The following PLCXD2 variants were observed in gnomAD, a reference collection of about 807,000 sequenced individuals.
The protein encoded by PLCXD2 is PI-PLC X domain-containing protein 2.
A neutral mutation model predicts 28.6 loss-of-function variants in PLCXD2; 21 were observed. The observed-to-expected ratio is 0.73, with a 90% CI of 0.52 to 1.06. PLCXD2 has a LOEUF of 1.06. Ranked by LOEUF, PLCXD2 falls within the 50% of genes least tolerant of loss-of-function variation. PLCXD2 has a pLI of 0.00. For synonymous variants in PLCXD2, 140 were observed against 150.1 expected (o/e 0.93, Z 0.49); for missense variants, 369 against 376.7 (o/e 0.98, Z 0.17).
intron 1 of PLCXD2, among the ~76,000 whole-genome samples, chr3:111,692,135 G>A (rs1414794148): frequency 6.6e-6 from 1 of 152,136 alleles, no homozygotes; most frequent in South Asian, 2.1e-4. Flanking sequence ...TCCGCCTCCC[G>A]GGTTCATGCC....
chr3:111,725,475 C>G, intron 3 of PLCXD2: 1 of 396,156 alleles, frequency 2.5e-6, no homozygotes, highest in Non-Finnish European at 4.4e-6. Context: ...CAGCTCATTA[C>G]TACCCCAAGG....
chr3:111,675,085 T>G lies in PLCXD2; in HGVS notation c.-161T>G. The G allele has an allele frequency of 4.1e-6, 3 of 727,268 alleles. No individual in the cohort carries two copies. The highest frequency in any genetic ancestry group is 1.9e-5 in the South Asian group (1 of 53,998). The allele number at this position is 727,268 out of a possible 1,614,324, so 45.1% of individuals were successfully genotyped here. ...AGAGAGTGGGGACTGTGAGTGCTAG[T>G]GGGTAAGGATCCATCTGTTTGCCCC... On this transcript the variant is annotated 5_prime_UTR_variant, in exon 1 of 5. Coordinates refer to ENST00000477665, the MANE Select transcript of PLCXD2 (RefSeq NM_001185106.1).
chr3:111,718,449 A>G (rs537661529), intron 3 of PLCXD2, among the ~76,000 whole-genome samples: 3 of 152,116 alleles, frequency 2.0e-5, no homozygotes, highest in South Asian at 4.2e-4. Context: ...TGGGGGACAG[A>G]GGAAGACTCC....
At chr3:111,724,202 T>A (rs1325357374) in intron 3 of PLCXD2, 1 of 152,196 alleles carries the variant, frequency 6.6e-6, no homozygotes, top group Non-Finnish European at 1.5e-5. Flanking sequence ...AAATTTTAAA[T>A]TAGTGGCAGA....
chr3:111,703,428 GAC>G (rs753382845), intron 1 of PLCXD2, among the ~76,000 whole-genome samples: 57 of 152,304 alleles, frequency 3.7e-4, no homozygotes, highest in Admixed American at 4.6e-4. Context: ...ACAGTCCTCA[GAC>G]ACAGAGAAAA....
chr3:111,709,171 C>T (rs976941468), intron 2 of PLCXD2, among the ~76,000 whole-genome samples: 4 of 151,008 alleles, frequency 2.6e-5, no homozygotes, highest in East Asian at 1.9e-4. Context: ...AACAACTTTA[C>T]GAGGCAGATA....
chr3:111,693,169 T>G (rs1256805523), intron 1 of PLCXD2, among the ~76,000 whole-genome samples: 2 of 152,210 alleles, frequency 1.3e-5, no homozygotes, highest in Non-Finnish European at 2.9e-5. Flanking sequence ...ATTATTGTAC[T>G]GCAAAAGCTC....
At position 111,707,927 on chromosome 3, in the gene PLCXD2, C is replaced by T. The variant is rs1941142427; in HGVS notation, c.165C>T (p.Gly55=). Residue 55 remains glycine (G), a splice_region_variant and synonymous_variant, in exon 2 of 5, where the codon GGC becomes GGT. Transcript: ENST00000477665. Reference sequence around the variant, plus strand: ...CCTCACCTGTATTCCTTTGTACAGGCTCACATGATTCATTCAGCTACTGGG... The same window carrying T: ...CCTCACCTGTATTCCTTTGTACAGGTTCACATGATTCATTCAGCTACTGGG... 1.2e-6 allele frequency: 2 copies of T among 1,612,462 alleles called. No individual in the cohort carries two copies. The highest frequency in any genetic ancestry group is 1.7e-6 in the Non-Finnish European group (2 of 1,179,124).
intron 1 of PLCXD2, chr3:111,691,332 C>T (rs994699927): frequency 1.3e-5 from 2 of 152,164 alleles, no homozygotes; most frequent in Non-Finnish European, 2.9e-5. Flanking sequence ...GACCCTAAGT[C>T]GCATTTCACT....
chr3:111,714,207 A>AAAGCCATG, intron 3 of PLCXD2, 79 bp downstream of exon 3: 3 of 1,488,200 alleles, frequency 2.0e-6, no homozygotes, highest in Non-Finnish European at 2.7e-6. Context: ...AAATCGCAGT[A>AAAGCCATG]AAGCCATGTA....
At chr3:111,687,612 C>T (rs1273058346) in intron 1 of PLCXD2, among the ~76,000 whole-genome samples, 1 of 151,846 alleles carries the variant, frequency 6.6e-6, no homozygotes, top group Non-Finnish European at 1.5e-5. Context: ...TGAAAGCCAC[C>T]CTAAATATCT....
intron 1 of PLCXD2, among the ~76,000 whole-genome samples, chr3:111,697,122 C>G (rs1940972014): frequency 1.3e-5 from 2 of 152,020 alleles, no homozygotes; most frequent in South Asian, 4.2e-4. Context: ...CAAACATTTG[C>G]TATAACTTAT....
At chr3:111,713,074 G>A (rs192827032) in intron 2 of PLCXD2, among the ~76,000 whole-genome samples, 11 of 152,270 alleles carry the variant, frequency 7.2e-5, no homozygotes, top group East Asian at 3.9e-4. Context: ...CAGCACACAC[G>A]ATTGAAAGTC....
In PLCXD2 at chr3:111,690,560, T is replaced by G. The variant is rs548717779; in HGVS notation, c.163+15152T>G. The stretch of plus-strand genomic sequence containing the variant: ...GAGGCTTTAGCAGGTGTGTAAGCTC[T>G]CAGAACACTGGTCTTCAAGGGTGGG... On this transcript the variant is annotated intron_variant, in intron 1 of 4. Transcript: ENST00000477665. Among the ~76,000 whole-genome samples the G allele has an allele frequency of 2.6e-5, 4 of 152,340 alleles. No homozygotes were observed. The South Asian group carries it at 6.2e-4, about 24-fold the overall frequency.
In PLCXD2 at chr3:111,708,276, C is replaced by T. The variant is rs1941149021; in HGVS notation, c.514C>T (p.His172Tyr). 1 of 1,614,048 alleles carries T rather than the reference C, an allele frequency of 6.2e-7. No homozygotes were observed. The change falls in exon 2 of 5, where the codon CAT (histidine) becomes TAT (tyrosine). Residue 172 changes from histidine to tyrosine, a missense_variant. By Grantham distance (83) the His-to-Tyr change is moderately conservative. Coordinates refer to ENST00000477665, the MANE Select transcript of PLCXD2 (RefSeq NM_001185106.1). ...CCACTTCTATGCCATGGATGAGACC[C>T]ATCACAAATGCCTGGTTCTGCGGAT... is the stretch of plus-strand genomic sequence containing the variant.
At chr3:111,709,467 TACACAC>T (rs10655649) in intron 2 of PLCXD2, among the ~76,000 whole-genome samples, 4 of 150,456 alleles carry the variant, frequency 2.7e-5, no homozygotes, top group Non-Finnish European at 5.9e-5. Context: ...TGTGTGTATA[TACACAC>T]ACACACACAC....
rs145951517 is a variant in PLCXD2, at chr3:111,675,255, G to T, written c.10G>T (p.Val4Phe). ...TTTGTTAACAACAGGGATGCTAGCA[G>T]TTAGGAAGGCCAGGAGGAAACTCAG... The change falls in exon 1 of 5, where the codon GTT becomes TTT. Residue 4 changes from valine to phenylalanine, a missense_variant. Coordinates refer to ENST00000477665, the MANE Select transcript of PLCXD2 (RefSeq NM_001185106.1). 5 of 1,613,922 alleles carry T rather than the reference G, an allele frequency of 3.1e-6. No homozygotes were observed. In the African/African-American group the frequency reaches 4.0e-5, roughly 13 times the overall value.
chr3:111,720,340 TC>T (rs1254921306), intron 3 of PLCXD2, among the ~76,000 whole-genome samples: 1 of 152,042 alleles, frequency 6.6e-6, no homozygotes, highest in Admixed American at 6.5e-5. Context: ...TCACCATGTT[TC>T]CCAGGCTGAT....
chr3:111,723,860 G>A (rs1207238709), intron 3 of PLCXD2: 3 of 152,122 alleles, frequency 2.0e-5, no homozygotes, highest in South Asian at 4.2e-4. Context: ...ATCAAAACAA[G>A]GCTCTCATAC....
Sources: allele counts gnomAD v4.1 joint callset (sites outside exome capture counted in the v4.1 genomes callset), GRCh38; gene constraint gnomAD v4.1.1; transcripts MANE v1.5; gene names NCBI Gene and HGNC (gene_info 2026-07-23, HGNC 2026-07-21).